NNT: variants seen among roughly 807,000 people sequenced by gnomAD.
The protein encoded by NNT is NAD(P) transhydrogenase, mitochondrial.
NNT carries 50 observed loss-of-function variants against 104.8 expected under a neutral mutation model. The observed-to-expected ratio is 0.48, with a 90% CI of 0.38 to 0.60. The LOEUF is 0.60. Among genes scored for constraint, NNT ranks in the 20% least tolerant of loss-of-function variants. The pLI, the probability that NNT is intolerant of heterozygous loss-of-function variation, is 0.00. For synonymous variants in NNT, 461 were observed against 490.4 expected, an observed-to-expected ratio of 0.94 and a Z score of 0.79; for missense variants, 1,131 against 1,330.7, an observed-to-expected ratio of 0.85 and a Z score of 2.33.
At chr5:43,619,909 A>G (rs1158066463) in intron 5 of NNT, among the ~76,000 whole-genome samples, 1 of 152,110 alleles carries the variant, frequency 6.6e-6, no homozygotes, top group African/African-American at 2.4e-5. Flanking sequence ...AGGCGTGTGC[A>G]AAAAAGATCA....
intron 1 of NNT, among the ~76,000 whole-genome samples, chr5:43,607,953 C>T (rs35979310): frequency 0.035 from 5,169 of 149,530 alleles, 141 homozygotes; most frequent in East Asian, 0.13. Flanking sequence ...TTTTTTGAGA[C>T]GGTGTCTCAC....
At chr5:43,606,980 G>GT (rs1561257613) in intron 1 of NNT, among the ~76,000 whole-genome samples, 1 of 132,792 alleles carries the variant, frequency 7.5e-6, no homozygotes, top group Non-Finnish European at 1.6e-5. Context: ...GGTTTTTTTT[G>GT]TTTTTTGTTT....
rs1317187401 is a variant in NNT, at chr5:43,705,634, A to G, written c.*1230A>G. 1.3e-5 allele frequency: 2 copies of G among 152,144 alleles called. No homozygotes were observed. The highest frequency in any genetic ancestry group is 4.8e-5 in the African/African-American group (2 of 41,434). 9.4% of individuals were successfully genotyped at this position (152,144 alleles called of 1,614,324 possible). ...TCAAAAAATTATTAACACATGAAAG[A>G]CAATCTCTAAACCAGAAAAAGAAGT... On this transcript the variant is annotated 3_prime_UTR_variant, in exon 22 of 22. Coordinates refer to ENST00000344920, the MANE Select transcript of NNT (RefSeq NM_182977.3).
chr5:43,616,054 C>G lies in NNT; in HGVS notation c.588C>G (p.Ala196=), dbSNP rs1335495835. Reference sequence around the variant, plus strand: ...GATATGATGCGCTAAGCTCCATGGCCAACATTGCGGGGTAGGTTCTTTTCC... The same window carrying G: ...GATATGATGCGCTAAGCTCCATGGCGAACATTGCGGGGTAGGTTCTTTTCC... The part of the protein sequence containing the change: ...AQGYDALSSM[A]NIAGYKAVVL... Residue 196 remains alanine, a synonymous_variant, in exon 4 of 22, where the codon GCC becomes GCG. Coordinates refer to ENST00000344920, the MANE Select transcript of NNT (RefSeq NM_182977.3). The G allele has an allele frequency of 6.2e-7, 1 of 1,613,466 alleles. No individual in the cohort carries two copies. The highest frequency in any genetic ancestry group is 2.2e-5 in the East Asian group (1 of 44,874).
chr5:43,609,731 A>G (rs1749408707), intron 2 of NNT, among the ~76,000 whole-genome samples: 1 of 152,228 alleles, frequency 6.6e-6, no homozygotes, highest in Non-Finnish European at 1.5e-5. Flanking sequence ...TAATTGGTCT[A>G]CATTAATGCT....
chr5:43,623,938 C>A, intron 5 of NNT, 94 bp from the exon 6 acceptor site: 1 of 1,180,152 alleles, frequency 8.5e-7, no homozygotes, highest in Non-Finnish European at 1.3e-6. Context: ...TTTATTGATG[C>A]TAAACTTATA....
Position 43,651,829 on chromosome 5 carries a change from G to T in NNT, c.1808G>T (p.Gly603Val), listed in dbSNP as rs1487647007. ...EYNYLYLLPA[G>V]TFVGGYLAAL... ...AACTACCTGTACCTGCTCCCTGCCG[G>T]CACCTTTGTTGGTGGATATTTAGCT... The change falls in exon 13 of 22, where the codon GGC becomes GTC. Residue 603 changes from glycine to valine, a missense_variant. By Grantham distance (109) the Gly-to-Val change is moderately radical. Coordinates refer to ENST00000344920, the MANE Select transcript of NNT (RefSeq NM_182977.3). 3 of 1,614,070 alleles carry T rather than the reference G, an allele frequency of 1.9e-6. No homozygotes were observed. In the East Asian group the frequency reaches 6.7e-5, roughly 36 times the overall value.
intron 4 of NNT, 86 bp from the exon 5 acceptor site, chr5:43,618,946 C>A: frequency 1.3e-6 from 1 of 770,422 alleles, no homozygotes; most frequent in Non-Finnish European, 1.9e-6. Context: ...TTTGACAAAA[C>A]TTCATTGATG....
intron 3 of NNT, among the ~76,000 whole-genome samples, chr5:43,615,325 AT>A (rs1319384357): frequency 1.3e-5 from 2 of 152,206 alleles, no homozygotes; most frequent in African/African-American, 4.8e-5. Context: ...TGTTCATCTA[AT>A]AAATAGTCAT....
intron 19 of NNT, among the ~76,000 whole-genome samples, chr5:43,679,850 A>G (rs1048876779): frequency 5.3e-5 from 8 of 152,020 alleles, no homozygotes; most frequent in African/African-American, 1.9e-4. Flanking sequence ...TGCTTCACAT[A>G]ATTATTAACA....
intron 7 of NNT, among the ~76,000 whole-genome samples, chr5:43,630,827 A>G (rs565304941): frequency 2.2e-4 from 33 of 152,352 alleles, no homozygotes; most frequent in Admixed American, 2.0e-3. Flanking sequence ...AAAGTGGGTC[A>G]TATAATGAGA....
chr5:43,605,970 C>T (rs1353030984), intron 1 of NNT, among the ~76,000 whole-genome samples: 1 of 152,114 alleles, frequency 6.6e-6, no homozygotes, highest in African/African-American at 2.4e-5. Context: ...AGATTTCAGG[C>T]CATGAAATAG....
chr5:43,665,557 T>TCATA (rs1235398102), intron 17 of NNT, among the ~76,000 whole-genome samples: 1 of 152,206 alleles, frequency 6.6e-6, no homozygotes, highest in Non-Finnish European at 1.5e-5. Flanking sequence ...GGGGGCAAGG[T>TCATA]CATAGATTTA....
At chr5:43,660,067 A>G (rs925449828) in intron 17 of NNT, among the ~76,000 whole-genome samples, 2 of 152,202 alleles carry the variant, frequency 1.3e-5, no homozygotes. Flanking sequence ...ATCGTGATCC[A>G]TCATATGGAT....
chr5:43,625,296 T>C (rs1750302579), intron 6 of NNT, among the ~76,000 whole-genome samples: 1 of 152,156 alleles, frequency 6.6e-6, no homozygotes. Flanking sequence ...TTGATGTCAT[T>C]TTTTAGATTG....
intron 19 of NNT, among the ~76,000 whole-genome samples, chr5:43,699,327 T>C (rs1210456995): frequency 6.6e-6 from 1 of 150,834 alleles, no homozygotes; most frequent in Non-Finnish European, 1.5e-5. Flanking sequence ...TAACATCATG[T>C]GTATGACAAC....
intron 11 of NNT, among the ~76,000 whole-genome samples, chr5:43,649,628 A>G (rs546810140): frequency 1.3e-5 from 2 of 151,286 alleles, no homozygotes; most frequent in Non-Finnish European, 2.9e-5. Flanking sequence ...TTTGAAAACC[A>G]GTGTTCCACA....
intron 7 of NNT, among the ~76,000 whole-genome samples, chr5:43,629,138 C>A (rs549161190): frequency 3.3e-5 from 5 of 152,196 alleles, no homozygotes; most frequent in Admixed American, 2.0e-4. Context: ...AATGTTTAGT[C>A]TTTTATCCCT....
intron 16 of NNT, 57 bp downstream of exon 16, chr5:43,656,870 T>C (rs180897891): frequency 2.0e-6 from 3 of 1,496,196 alleles, no homozygotes; most frequent in Non-Finnish European, 2.7e-6. Context: ...AATATTTTGT[T>C]AGATTAAAGT....
Sources: allele counts gnomAD v4.1 joint callset (sites outside exome capture counted in the v4.1 genomes callset), GRCh38; gene constraint gnomAD v4.1.1; transcripts MANE v1.5; gene names NCBI Gene and HGNC (gene_info 2026-07-23, HGNC 2026-07-21).